RPS6KA5: variants seen among roughly 807,000 people sequenced by gnomAD.
The protein encoded by RPS6KA5 is ribosomal protein S6 kinase alpha-5.
A neutral mutation model predicts 85.5 loss-of-function variants in RPS6KA5; 27 were observed. The observed-to-expected ratio is 0.32, with a 90% CI of 0.23 to 0.44. The LOEUF (loss-of-function observed/expected upper bound fraction) is 0.44. Ranked by LOEUF, RPS6KA5 falls within the 20% of genes least tolerant of loss-of-function variation. The pLI is 1.00. For missense variants in RPS6KA5, 811 were observed against 980.9 expected, an observed-to-expected ratio of 0.83 and a Z score of 2.31; for synonymous variants, 334 against 348.2, an observed-to-expected ratio of 0.96 and a Z score of 0.46.
chr14:91,010,036 AT>A (rs56229173), intron 1 of RPS6KA5, among the ~76,000 whole-genome samples: 4,090 of 143,226 alleles, frequency 0.029, 145 homozygotes, highest in African/African-American at 0.088. Flanking sequence ...GTCAACAGCG[AT>A]TTTTTTTTTT....
chr14:90,985,592 C>T (rs1422423397), intron 2 of RPS6KA5, among the ~76,000 whole-genome samples: 2 of 152,214 alleles, frequency 1.3e-5, no homozygotes, highest in Non-Finnish European at 2.9e-5. Flanking sequence ...CCATGCTGCA[C>T]TTTGGGTTCA....
intron 2 of RPS6KA5, among the ~76,000 whole-genome samples, chr14:90,995,293 T>C (rs1339900309): frequency 6.6e-6 from 1 of 152,158 alleles, no homozygotes; most frequent in Non-Finnish European, 1.5e-5. Context: ...CCAGGATTTT[T>C]CTTTTTTTAA....
rs1234451695 is a variant in RPS6KA5 at position 91,060,022 on chromosome 14, GC to G, written c.103+309del. The stretch of plus-strand genomic sequence containing the variant: ...ACGCAGACACACGTGTGTCACCTGT[GC>G]GGGAAGGGGGAGCAGCGACATCCTC... On this transcript the variant is annotated intron_variant, in intron 1 of 16. Transcript: ENST00000614987. 4.1e-6 allele frequency: 4 copies of G among 984,826 alleles called. No individual in the cohort carries two copies. In the East Asian group the frequency reaches 4.5e-4, roughly 112 times the overall value. 61.0% of individuals were successfully genotyped at this position (984,826 alleles called of 1,614,324 possible).
chr14:90,974,690 C>T (rs1286084), intron 3 of RPS6KA5, among the ~76,000 whole-genome samples: 2,156 of 152,230 alleles, frequency 0.014, 63 homozygotes, highest in African/African-American at 0.05. Context: ...AAGAGGTGGC[C>T]CAGCTAACAG....
intron 1 of RPS6KA5, among the ~76,000 whole-genome samples, chr14:91,048,504 A>T (rs1034624023): frequency 6.6e-6 from 1 of 152,150 alleles, no homozygotes; most frequent in African/African-American, 2.4e-5. Context: ...ACTTTTTTAA[A>T]AAAGAAAGAA....
chr14:90,964,914 CAAAAAAAA>C (rs10713991), intron 3 of RPS6KA5, among the ~76,000 whole-genome samples: 1 of 70,658 alleles, frequency 1.4e-5, no homozygotes, highest in Middle Eastern at 7.8e-3. Context: ...GACCCTGTCT[CAAAAAAAA>C]AAAAAAAAAA....
intron 4 of RPS6KA5, among the ~76,000 whole-genome samples, chr14:90,943,993 C>T (rs2037733545): frequency 6.6e-6 from 1 of 152,184 alleles, no homozygotes; most frequent in Non-Finnish European, 1.5e-5. Flanking sequence ...GCTGGGATTA[C>T]AGGTGTGAGC....
intron 2 of RPS6KA5, among the ~76,000 whole-genome samples, chr14:90,987,017 GTAT>G (rs1427025118): frequency 1.3e-5 from 2 of 152,120 alleles, no homozygotes; most frequent in Non-Finnish European, 2.9e-5. Flanking sequence ...AAATAAAATT[GTAT>G]TTACACTAGA....
chr14:91,036,717 CATT>C (rs1361617974), intron 1 of RPS6KA5, among the ~76,000 whole-genome samples: 1 of 152,156 alleles, frequency 6.6e-6, no homozygotes, highest in Non-Finnish European at 1.5e-5. Context: ...CCTAAGGAAC[CATT>C]AGAGTGCTCT....
In RPS6KA5 at chr14:90,902,804, T is replaced by C. The variant is rs1421118755; in HGVS notation, c.1119+4A>G. 6 of 1,613,308 alleles carry C rather than the reference T, an allele frequency of 3.7e-6. No individual in the cohort carries two copies. Among genetic ancestry groups the C allele is most frequent in the Non-Finnish European group, 2.5e-6 (3 of 1,179,588 alleles). ...ATGTGCATGTGCACAGGATGGGAAA[T>C]TACCTGAAACAGCTTCTCAGAACTC... is the stretch of plus-strand genomic sequence containing the variant. On this transcript the variant is annotated splice_donor_region_variant and intron_variant, in intron 9 of 16. Coordinates refer to ENST00000614987, the MANE Select transcript of RPS6KA5 (RefSeq NM_004755.4).
chr14:90,901,066 C>G (rs1036810141), intron 9 of RPS6KA5, among the ~76,000 whole-genome samples: 1 of 152,100 alleles, frequency 6.6e-6, no homozygotes. Flanking sequence ...ACAAACATAA[C>G]TAACTTCTCA....
chr14:90,877,396 C>A (rs1186236094), intron 14 of RPS6KA5, among the ~76,000 whole-genome samples: 2 of 152,200 alleles, frequency 1.3e-5, no homozygotes. Context: ...AGCCAGTCCA[C>A]AGGCTGGCAG....
At chr14:91,034,851 ACATT>A (rs1300647645) in intron 1 of RPS6KA5, among the ~76,000 whole-genome samples, 1 of 152,190 alleles carries the variant, frequency 6.6e-6, no homozygotes, top group Admixed American at 6.5e-5. Flanking sequence ...GGACACAGTG[ACATT>A]CATTAAGTGT....
At chr14:91,041,904 A>G (rs1174933240) in intron 1 of RPS6KA5, among the ~76,000 whole-genome samples, 2 of 152,242 alleles carry the variant, frequency 1.3e-5, no homozygotes, top group Non-Finnish European at 2.9e-5. Flanking sequence ...CTGAGTCAAT[A>G]AGAAAACAAA....
chr14:91,026,846 T>C (rs1385257189), intron 1 of RPS6KA5, among the ~76,000 whole-genome samples: 1 of 152,190 alleles, frequency 6.6e-6, no homozygotes, highest in Non-Finnish European at 1.5e-5. Flanking sequence ...ATGGCATCTG[T>C]GGTTTTGATT....
At chr14:90,972,128 C>T (rs1057048657) in intron 3 of RPS6KA5, among the ~76,000 whole-genome samples, 1 of 152,138 alleles carries the variant, frequency 6.6e-6, no homozygotes, top group South Asian at 2.1e-4. Context: ...AGCAAACATA[C>T]CATGTTCTTG....
chr14:90,888,059 G>C (rs2034336422), intron 14 of RPS6KA5, among the ~76,000 whole-genome samples: 1 of 150,348 alleles, frequency 6.7e-6, no homozygotes, highest in Non-Finnish European at 1.5e-5. Context: ...TAAGTTCTCA[G>C]TTTACCTTTT....
intron 3 of RPS6KA5, among the ~76,000 whole-genome samples, chr14:90,974,538 T>C (rs1712555645): frequency 6.6e-6 from 1 of 152,246 alleles, no homozygotes; most frequent in African/African-American, 2.4e-5. Context: ...TGAAGCTATG[T>C]GAGTTCCAGT....
Position 91,038,656 on chromosome 14 carries a change from A to G in RPS6KA5, c.103+21676T>C, listed in dbSNP as rs528621363. 3.3e-5 allele frequency among the ~76,000 whole-genome samples: 5 copies of G among 152,338 alleles called. No homozygotes were observed. In the South Asian group the frequency reaches 1.0e-3, roughly 32 times the overall value. On this transcript the variant is annotated intron_variant, in intron 1 of 16. Transcript: ENST00000614987. ...AACCAACAATATGACACAGCAGCTT[A>G]GCAATCATGTGTGGGAGTTACAACA... is the stretch of plus-strand genomic sequence containing the variant.
Sources: gnomAD v4.1 joint callset for allele counts (sites outside exome capture counted in the v4.1 genomes callset) on GRCh38, gnomAD v4.1.1 for gene constraint, MANE v1.5 for transcripts, NCBI Gene and HGNC (gene_info 2026-07-23, HGNC 2026-07-21) for gene names.